The following LLGL2 variants were observed in gnomAD, a reference collection of about 807,000 sequenced individuals.
LLGL2 encodes LLGL scribble cell polarity complex component 2, also known as LLGL2, scribble cell polarity complex component.
LLGL2 carries 81 observed loss-of-function variants against 123.2 expected under a neutral mutation model. The observed-to-expected ratio is 0.66, with a 90% CI of 0.55 to 0.79. The LOEUF is 0.79. Ranked by LOEUF, LLGL2 falls within the 30% of genes least tolerant of loss-of-function variation. The pLI, the probability that LLGL2 is intolerant of heterozygous loss-of-function variation, is 0.00. For missense variants in LLGL2, 1,273 were observed against 1,414.6 expected, an observed-to-expected ratio of 0.90 and a Z score of 1.61; for synonymous variants, 577 against 594.1, an observed-to-expected ratio of 0.97 and a Z score of 0.42.
At chr17:75,532,079 T>TACACACACACACACACACAC (rs1555648021) in intron 1 of LLGL2, among the ~76,000 whole-genome samples, 29 of 27,498 alleles carry the variant, frequency 1.1e-3, no homozygotes, top group South Asian at 1.4e-3. Context: ...CACACACACT[T>TACACACACACACACACACAC]TTTTTTTTTT....
In LLGL2 at chr17:75,571,764, G is replaced by T. The variant is rs201213445; in HGVS notation, c.2274G>T (p.Glu758Asp). Residue 758 changes from glutamate (E) to aspartate (D), a missense_variant, in exon 18 of 26, where the codon GAG becomes GAT. Transcript: ENST00000392550. ...RVPPAERRMD[E>D]PVRAEQAKEI... The stretch of plus-strand genomic sequence containing the variant: ...CTCCCGCCGAGCGGAGAATGGATGA[G>T]CCTGTGCGGGCAGAGCAGGGTGAGT... 1.2e-6 allele frequency: 2 copies of T among 1,608,384 alleles called. No individual in the cohort carries two copies. Among genetic ancestry groups the T allele is most frequent in the Non-Finnish European group, 1.7e-6 (2 of 1,179,874 alleles).
intron 10 of LLGL2, among the ~76,000 whole-genome samples, chr17:75,565,246 G>A (rs1233761389): frequency 6.6e-6 from 1 of 152,228 alleles, no homozygotes; most frequent in Non-Finnish European, 1.5e-5. Flanking sequence ...CTCGTAAATT[G>A]TGTGACAGGC....
chr17:75,569,018 G>A lies in LLGL2; in HGVS notation c.1363G>A (p.Val455Ile). ...GTVRFWDASG[V>I]CLRLLYKLST... is the part of the protein sequence containing the mutation. ...GGTGCGGTTCTGGGATGCCTCGGGT[G>A]TCTGCCTGCGGCTGCTCTACAAACT... is the stretch of plus-strand genomic sequence containing the variant. The change falls in exon 13 of 26, where the codon GTC becomes ATC. Residue 455 changes from valine (V) to isoleucine (I), a missense_variant. Val to Ile is a conservative substitution (Grantham distance 29, BLOSUM62 3). Transcript: ENST00000392550. 6.2e-7 allele frequency: 1 copy of A among 1,613,254 alleles called. No individual in the cohort carries two copies. The highest frequency in any genetic ancestry group is 8.5e-7 in the Non-Finnish European group (1 of 1,179,788).
intron 10 of LLGL2, among the ~76,000 whole-genome samples, chr17:75,565,611 C>T (rs1300347398): frequency 6.6e-6 from 1 of 152,176 alleles, no homozygotes; most frequent in East Asian, 1.9e-4. Context: ...TACCTGATTC[C>T]CAGCGGAAAG....
rs573816544 is a variant in LLGL2, at chr17:75,570,080, C to T, written c.1699C>T (p.Arg567Cys). Reference protein sequence around the residue: ...RWKGHERLAARSGPVRFEPGF... With the variant: ...RWKGHERLAACSGPVRFEPGF... ...GAAGGGGCACGAGCGCCTGGCAGCCCGCTCAGGGCCCGTGCGCTTTGAGCC... is the reference window on the plus strand; with the variant it reads ...GAAGGGGCACGAGCGCCTGGCAGCCTGCTCAGGGCCCGTGCGCTTTGAGCC... The change falls in exon 15 of 26, where the codon CGC (arginine) becomes TGC (cysteine). Residue 567 changes from arginine (R) to cysteine (C), a missense_variant. Arg to Cys is a radical substitution (Grantham distance 180, BLOSUM62 -3). Coordinates refer to ENST00000392550, the MANE Select transcript of LLGL2 (RefSeq NM_001031803.2). 2.4e-5 allele frequency: 39 copies of T among 1,611,752 alleles called. No individual in the cohort carries two copies. The highest frequency in any genetic ancestry group is 2.1e-4 in the South Asian group (19 of 90,886).
rs111815556 is a variant in LLGL2 at position 75,574,362 on chromosome 17, T to C, written c.2954-91T>C. ...CCACTGCCCTGAGGCGGGGTACAGA[T>C]CCATGGGCACCCACGGAGAAAGGGG... On this transcript the variant is annotated intron_variant, in intron 23 of 25. Transcript: ENST00000392550. 862 of 1,535,924 alleles carry C rather than the reference T, an allele frequency of 5.6e-4. 5 individuals are homozygous for C. The African/African-American group carries it at 9.8e-3, about 17-fold the overall frequency.
At chr17:75,540,340 CGTG>C (rs2054160102) in intron 1 of LLGL2, among the ~76,000 whole-genome samples, 2 of 152,200 alleles carry the variant, frequency 1.3e-5, no homozygotes, top group Non-Finnish European at 2.9e-5. Context: ...TTCAAGGAAG[CGTG>C]GTGCTTTTCC....
intron 13 of LLGL2, 41 bp downstream of exon 13, chr17:75,569,172 G>C: frequency 6.2e-7 from 1 of 1,612,694 alleles, no homozygotes. Flanking sequence ...GCAGAGGCCA[G>C]CTGGGTCCTG....
At chr17:75,548,199 G>T (rs2054509568) in intron 2 of LLGL2, among the ~76,000 whole-genome samples, 1 of 151,910 alleles carries the variant, frequency 6.6e-6, no homozygotes, top group Admixed American at 6.6e-5. Context: ...TTAGATGAGG[G>T]ATATTCCGCC....
intron 2 of LLGL2, among the ~76,000 whole-genome samples, chr17:75,547,486 T>C (rs2147245981): frequency 6.6e-6 from 1 of 152,312 alleles, no homozygotes; most frequent in South Asian, 2.1e-4. Flanking sequence ...GAGCAAAAAC[T>C]GGCTTCCCTC....
chr17:75,571,818 G>A, intron 18 of LLGL2, 35 bp downstream of exon 18: 1 of 1,602,746 alleles, frequency 6.2e-7, no homozygotes. Context: ...AGGGTGCTCG[G>A]GCTGCCTGGG....
rs201386309 is a variant in LLGL2 at position 75,573,646 on chromosome 17, C to T, written c.2876+15C>T. ...AGCCGAGCCAGGTGAGTGAAAGGGC[C>T]AGAGGCCTCTCCCGCCCCTCCCGCC... is the stretch of plus-strand genomic sequence containing the variant. On this transcript the variant is annotated intron_variant, in intron 21 of 25. Transcript: ENST00000392550. 3.1e-4 allele frequency: 493 copies of T among 1,595,244 alleles called. No individual in the cohort carries two copies. The highest frequency in any genetic ancestry group is 4.1e-4 in the Non-Finnish European group (476 of 1,170,038).
intron 2 of LLGL2, among the ~76,000 whole-genome samples, chr17:75,548,928 CTTG>C (rs1390931993): frequency 6.6e-6 from 1 of 152,100 alleles, no homozygotes; most frequent in African/African-American, 2.4e-5. Flanking sequence ...CAGGACTTGC[CTTG>C]TTGTGGTGTC....
chr17:75,530,575 G>A (rs567689776), intron 1 of LLGL2, among the ~76,000 whole-genome samples: 42 of 151,534 alleles, frequency 2.8e-4, no homozygotes, highest in Admixed American at 1.7e-3. Flanking sequence ...GTGTGAACCC[G>A]GGAGGCAGAG....
rs2055408671 is a variant in LLGL2 at position 75,565,542 on chromosome 17, T to A, written c.1036+1035T>A. On this transcript the variant is annotated intron_variant, in intron 10 of 25. Coordinates refer to ENST00000392550, the MANE Select transcript of LLGL2 (RefSeq NM_001031803.2). ...CTCTTTCCACAACATTTGGGCCATGTTGGCACAGAGCGGGGGCCTCTTGGG... is the reference window on the plus strand; with the variant it reads ...CTCTTTCCACAACATTTGGGCCATGATGGCACAGAGCGGGGGCCTCTTGGG... 2.6e-5 allele frequency among the ~76,000 whole-genome samples: 4 copies of A among 152,194 alleles called. No individual in the cohort carries two copies. In the South Asian group the frequency reaches 8.3e-4, roughly 31 times the overall value.
rs2055911423 is a variant in LLGL2, at chr17:75,575,064, C to T, written c.*186C>T. The T allele has an allele frequency of 1.3e-6, 1 of 757,498 alleles. No individual in the cohort carries two copies. The allele number at this position is 757,498 out of a possible 1,614,324, so 46.9% of individuals were successfully genotyped here. ...ACCCCAGTCCCCTGGGCTGCCCTTC[C>T]CGGGCCTCGTCTGTCTGGGTCCTTT... On this transcript the variant is annotated 3_prime_UTR_variant, in exon 26 of 26. Coordinates refer to ENST00000392550, the MANE Select transcript of LLGL2 (RefSeq NM_001031803.2).
At chr17:75,571,381 A>G (rs921719531) in intron 17 of LLGL2, 2 of 580,378 alleles carry the variant, frequency 3.4e-6, no homozygotes, top group Non-Finnish European at 6.1e-6. Flanking sequence ...GCTTCTCTGT[A>G]AATGAGGAAG....
chr17:75,553,889 A>G (rs1038713316), intron 2 of LLGL2, among the ~76,000 whole-genome samples: 1 of 152,228 alleles, frequency 6.6e-6, no homozygotes, highest in African/African-American at 2.4e-5. Flanking sequence ...TAGGAGTCCA[A>G]GAATGCCATC....
chr17:75,525,383 G>T (rs889343900), upstream of LLGL2, among the ~76,000 whole-genome samples: 1 of 152,090 alleles, frequency 6.6e-6, no homozygotes, highest in Non-Finnish European at 1.5e-5. This position sits in a 1 kb window ranked among gnomAD's most constrained non-coding sequence, Gnocchi z 4.8. Flanking sequence ...TGGAGTCTGG[G>T]AGGCGGCCCG....
Sources: gnomAD v4.1 joint callset for allele counts (sites outside exome capture counted in the v4.1 genomes callset) on GRCh38, gnomAD v4.1.1 for gene constraint, Gnocchi (gnomAD v3.1) non-coding constraint, MANE v1.5 for transcripts, NCBI Gene and HGNC (gene_info 2026-07-23, HGNC 2026-07-21) for gene names.